SPAM1: variants seen among roughly 807,000 people sequenced by gnomAD.
The protein encoded by SPAM1 is sperm adhesion molecule 1, also known as hyaluronidase PH-20.
Under a neutral mutation model 29.6 loss-of-function variants are expected in SPAM1, and 22 were observed. The observed-to-expected ratio is 0.74, with a 90% CI of 0.53 to 1.06. The LOEUF is 1.06. Ranked by LOEUF, SPAM1 falls within the 50% of genes least tolerant of loss-of-function variation. The probability of loss-of-function intolerance (pLI) is 0.00; values close to 1 mark genes in which losing one functional copy is unlikely to be tolerated. For synonymous variants in SPAM1, 194 were observed against 204.6 expected (o/e 0.95, Z 0.44); for missense variants, 534 against 604.0 (o/e 0.88, Z 1.21).
chr7:123,941,404 C>T (rs1808423060), intron 1 of SPAM1, among the ~76,000 whole-genome samples: 1 of 152,160 alleles, frequency 6.6e-6, no homozygotes. Flanking sequence ...GAGGTGGGAG[C>T]TACCAGGTCA....
At chr7:123,946,567 T>TTAGGG (rs1431123568) in intron 1 of SPAM1, among the ~76,000 whole-genome samples, 10 of 152,054 alleles carry the variant, frequency 6.6e-5, no homozygotes, top group Non-Finnish European at 1.5e-4. Context: ...CTCAAGTAGG[T>TTAGGG]TAGGGTACAG....
At chr7:123,952,627 A>C (rs559504650) in intron 2 of SPAM1, among the ~76,000 whole-genome samples, 2 of 152,256 alleles carry the variant, frequency 1.3e-5, no homozygotes, top group South Asian at 2.1e-4. Context: ...ATCACAACAC[A>C]ATCTTACTTA....
chr7:123,969,573 C>T (rs1247401296), intron 5 of SPAM1, among the ~76,000 whole-genome samples: 7 of 151,932 alleles, frequency 4.6e-5, no homozygotes, highest in South Asian at 2.1e-4. Context: ...GTTCTTGGCA[C>T]CTTTGTCAAA....
Position 123,954,986 on chromosome 7 carries a change from A to T in SPAM1, c.955-11A>T. 6.2e-7 allele frequency: 1 copy of T among 1,601,452 alleles called. No individual in the cohort carries two copies. Among genetic ancestry groups the T allele is most frequent in the Non-Finnish European group, 8.6e-7 (1 of 1,169,162 alleles). ...TTTTTATCTGCTAACTCTTTCTGTC[A>T]CATTTTCCAGGATGAACTTGTGTAT... On this transcript the variant is annotated splice_polypyrimidine_tract_variant and intron_variant, in intron 3 of 4. Transcript: ENST00000682466.
intron 4 of SPAM1, among the ~76,000 whole-genome samples, chr7:123,956,839 T>C (rs1196509289): frequency 6.6e-6 from 1 of 152,006 alleles, no homozygotes; most frequent in Non-Finnish European, 1.5e-5. Flanking sequence ...AGATCTGCAT[T>C]CAGTAATGTT....
At chr7:123,932,300 T>A (rs1808109350) in intron 1 of SPAM1, 1 of 152,218 alleles carries the variant, frequency 6.6e-6, no homozygotes, top group African/African-American at 2.4e-5. Context: ...GCATGATAAT[T>A]GTTTTCTTGA....
intron 1 of SPAM1, among the ~76,000 whole-genome samples, chr7:123,936,081 G>T (rs975431881): frequency 6.6e-6 from 1 of 152,182 alleles, no homozygotes; most frequent in Admixed American, 6.5e-5. Context: ...AAATGAATTG[G>T]ACTACTTAAG....
chr7:123,964,422 A>T, downstream of SPAM1, among the ~76,000 whole-genome samples: 1 of 152,060 alleles, frequency 6.6e-6, no homozygotes, highest in Middle Eastern at 3.4e-3. Context: ...AGATATAAGG[A>T]AAAGGATAAA....
At chr7:123,948,030 T>A (rs891567626) in intron 1 of SPAM1, among the ~76,000 whole-genome samples, 2 of 152,108 alleles carry the variant, frequency 1.3e-5, no homozygotes, top group Non-Finnish European at 1.5e-5. Context: ...AAAGAGTTGA[T>A]GAAATTTCAC....
chr7:123,939,595 TTTAG>T (rs1808365160), intron 1 of SPAM1, among the ~76,000 whole-genome samples: 1 of 152,222 alleles, frequency 6.6e-6, no homozygotes, highest in South Asian at 2.1e-4. Flanking sequence ...ATCAAATTCG[TTTAG>T]TTAATTAACT....
chr7:123,950,687 A>C (rs991668587), intron 2 of SPAM1, among the ~76,000 whole-genome samples: 2 of 152,148 alleles, frequency 1.3e-5, no homozygotes. Flanking sequence ...GGTTGATTCC[A>C]TGACTTTGCT....
downstream of SPAM1, among the ~76,000 whole-genome samples, chr7:123,961,560 A>G (rs1792359505): frequency 6.6e-6 from 1 of 151,910 alleles, no homozygotes; most frequent in Non-Finnish European, 1.5e-5. Flanking sequence ...TTTTTAATCC[A>G]TTCATCTGTT....
downstream of SPAM1, among the ~76,000 whole-genome samples, chr7:123,964,534 A>C (rs991419454): frequency 1.3e-5 from 2 of 151,930 alleles, no homozygotes; most frequent in Non-Finnish European, 2.9e-5. Context: ...AGTTTTTAAG[A>C]GACAAGGTAT....
intron 2 of SPAM1, among the ~76,000 whole-genome samples, chr7:123,950,742 T>A (rs1808733872): frequency 6.6e-6 from 1 of 152,140 alleles, no homozygotes; most frequent in Admixed American, 6.5e-5. Flanking sequence ...AGCTGTCTTT[T>A]TTATATAACG....
chr7:123,969,173 A>G (rs1393215968), intron 5 of SPAM1, among the ~76,000 whole-genome samples: 1 of 151,970 alleles, frequency 6.6e-6, no homozygotes, highest in Non-Finnish European at 1.5e-5. Context: ...AGTTCCTTAT[A>G]TATTCTGGAT....
At chr7:123,937,462 A>G (rs189362938) in intron 1 of SPAM1, among the ~76,000 whole-genome samples, 2,548 of 151,988 alleles carry the variant, frequency 0.017, 18 homozygotes, top group Middle Eastern at 0.027. Context: ...TTAGCCGGGC[A>G]TGGTGGCGGG....
chr7:123,954,850 G>A (rs1792213303), intron 3 of SPAM1, 147 bp from the exon 4 acceptor site: 1 of 615,256 alleles, frequency 1.6e-6, no homozygotes, highest in South Asian at 2.0e-5. Context: ...TTTATAGTAA[G>A]GCAATGGCTG....
At chr7:123,967,409 CT>C (rs1317154609) in intron 5 of SPAM1, among the ~76,000 whole-genome samples, 2 of 151,970 alleles carry the variant, frequency 1.3e-5, no homozygotes, top group Non-Finnish European at 2.9e-5. Context: ...CTGATTTAAA[CT>C]TTTTTTCTAC....
chr7:123,965,679 G>T (rs1029866049), intron 5 of SPAM1, among the ~76,000 whole-genome samples: 1 of 151,952 alleles, frequency 6.6e-6, no homozygotes, highest in Admixed American at 6.6e-5. Context: ...TTTTGTACCA[G>T]TGCAATGCTA....
Sources: allele counts gnomAD v4.1 joint callset (sites outside exome capture counted in the v4.1 genomes callset), GRCh38; gene constraint gnomAD v4.1.1; transcripts MANE v1.5; gene names NCBI Gene and HGNC (gene_info 2026-07-23, HGNC 2026-07-21).